CEACAM1: variants seen among roughly 807,000 people sequenced by gnomAD.
The protein encoded by CEACAM1 is cell adhesion molecule CEACAM1.
A neutral mutation model predicts 49.1 loss-of-function variants in CEACAM1; 31 were observed. The observed-to-expected ratio is 0.63, with a 90% CI of 0.47 to 0.85. The LOEUF is 0.85. Ranked by LOEUF, CEACAM1 falls within the 40% of genes least tolerant of loss-of-function variation. The pLI is 0.00. For missense variants in CEACAM1, 570 were observed against 645.3 expected (o/e 0.88, Z 1.26); for synonymous variants, 244 against 247.8 (o/e 0.98, Z 0.14).
At chr19:42,523,137 G>A (rs1210716304) in intron 2 of CEACAM1, among the ~76,000 whole-genome samples, 2 of 152,186 alleles carry the variant, frequency 1.3e-5, no homozygotes, top group Admixed American at 6.5e-5. Context: ...TACAGGTGCT[G>A]GGTCCCTTCC....
intron 2 of CEACAM1, among the ~76,000 whole-genome samples, chr19:42,526,678 C>T (rs1461704839): frequency 6.6e-6 from 1 of 152,150 alleles, no homozygotes; most frequent in Non-Finnish European, 1.5e-5. Context: ...CAGGGCTGAG[C>T]TTGTCTGTGA....
chr19:42,523,837 T>C (rs938656747), intron 2 of CEACAM1, among the ~76,000 whole-genome samples: 3 of 152,186 alleles, frequency 2.0e-5, no homozygotes, highest in African/African-American at 7.2e-5. Context: ...CATGTTATGA[T>C]CAAAGAAAGA....
chr19:42,528,435 C>T lies in CEACAM1; in HGVS notation c.-61G>A, dbSNP rs780238471. ...GAGAGCTTGGGCTCCAGGAACGCTT[C>T]GAGCACGGCTGCTCTGTCACCTCTG... On this transcript the variant is annotated 5_prime_UTR_variant, in exon 1 of 9. Coordinates refer to ENST00000161559, the MANE Select transcript of CEACAM1 (RefSeq NM_001712.5). The T allele has an allele frequency of 4.8e-5, 74 of 1,530,642 alleles. No homozygotes were observed. Among genetic ancestry groups the T allele is most frequent in the Non-Finnish European group, 5.7e-5 (63 of 1,105,174 alleles). 94.8% of individuals were successfully genotyped at this position (1,530,642 alleles called of 1,614,324 possible).
rs551837035 is a variant in CEACAM1 at position 42,515,789 on chromosome 19, C to A, written c.1246+3159G>T. On this transcript the variant is annotated intron_variant, in intron 5 of 8. Transcript: ENST00000161559. ...TGAAAGTAAAACATTACTACTAATT[C>A]TGCAGAAATAATAAGGATTATAAGA... is the stretch of plus-strand genomic sequence containing the variant. Among the ~76,000 whole-genome samples, 164 of 152,280 alleles carry A rather than the reference C, an allele frequency of 1.1e-3. 1 individual carries two copies. The highest frequency in any genetic ancestry group is 1.9e-3 in the Non-Finnish European group (130 of 68,020).
chr19:42,518,880 T>C, intron 5 of CEACAM1, 68 bp downstream of exon 5: 2 of 1,534,756 alleles, frequency 1.3e-6, no homozygotes, highest in Non-Finnish European at 1.8e-6. Context: ...GTGAGTTTTA[T>C]CCATTTTGCA....
In CEACAM1 at chr19:42,522,138, C is replaced by T. The variant is rs776179467; in HGVS notation, c.489G>A (p.Val163=). The T allele has an allele frequency of 1.9e-6, 3 of 1,614,198 alleles. No individual in the cohort carries two copies. The highest frequency in any genetic ancestry group is 2.5e-6 in the Non-Finnish European group (3 of 1,180,042). The change falls in exon 3 of 9, where the codon GTG becomes GTA. Residue 163 remains valine, a synonymous_variant. Coordinates refer to ENST00000161559, the MANE Select transcript of CEACAM1 (RefSeq NM_001712.5). ...NSNPVEDKDA[V]AFTCEPETQD... ...GAGTCTCAGGTTCACAGGTGAAGGC[C>T]ACAGCATCCTTGTCCTCCACAGGGT...
At chr19:42,509,559 C>T (rs545227787) in intron 8 of CEACAM1, among the ~76,000 whole-genome samples, 1 of 151,946 alleles carries the variant, frequency 6.6e-6, no homozygotes, top group Admixed American at 6.6e-5. Flanking sequence ...GGAACAAAAC[C>T]AAGCAATACT....
Position 42,522,142 on chromosome 19 carries a change from G to C in CEACAM1, c.485C>G (p.Ala162Gly). 1 of 1,614,248 alleles carries C rather than the reference G, an allele frequency of 6.2e-7. No individual in the cohort carries two copies. Among genetic ancestry groups the C allele is most frequent in the Non-Finnish European group, 8.5e-7 (1 of 1,180,048 alleles). Residue 162 changes from alanine to glycine, a missense_variant, in exon 3 of 9, where the codon GCT becomes GGT. Ala to Gly is a moderately conservative substitution (Grantham distance 60). Coordinates refer to ENST00000161559, the MANE Select transcript of CEACAM1 (RefSeq NM_001712.5). ...NNSNPVEDKD[A>G]VAFTCEPETQ... ...CTCAGGTTCACAGGTGAAGGCCACA[G>C]CATCCTTGTCCTCCACAGGGTTGGA...
intron 2 of CEACAM1, among the ~76,000 whole-genome samples, chr19:42,524,362 T>A (rs887301898): frequency 7.9e-5 from 12 of 151,736 alleles, no homozygotes; most frequent in African/African-American, 2.9e-4. Context: ...GAGTTAGGAG[T>A]CAAATGGGTG....
chr19:42,511,919 T>C (rs138307168), intron 6 of CEACAM1, among the ~76,000 whole-genome samples: 1,703 of 151,832 alleles, frequency 0.011, 39 homozygotes, highest in African/African-American at 0.036. Context: ...TTTTTTTTTT[T>C]CTCTATTTAT....
intron 5 of CEACAM1, chr19:42,518,555 TG>T (rs906781523): frequency 9.2e-6 from 2 of 217,394 alleles, no homozygotes; most frequent in Admixed American, 1.1e-4. Context: ...TGGAGTGCAG[TG>T]GCACCATCTC....
At chr19:42,518,796 G>C in intron 5 of CEACAM1, 152 bp downstream of exon 5, 6 of 906,034 alleles carry the variant, frequency 6.6e-6, no homozygotes, top group Non-Finnish European at 8.8e-6. Flanking sequence ...CACTGTGCCC[G>C]GCCTGAGCTG....
At chr19:42,518,278 G>T (rs1219855920) in intron 5 of CEACAM1, among the ~76,000 whole-genome samples, 2 of 152,014 alleles carry the variant, frequency 1.3e-5, no homozygotes, top group Non-Finnish European at 2.9e-5. Context: ...AGCCAGGCAT[G>T]GTGGTGCAAC....
intron 2 of CEACAM1, among the ~76,000 whole-genome samples, chr19:42,523,080 A>T (rs2041799462): frequency 6.6e-6 from 1 of 152,146 alleles, no homozygotes; most frequent in Non-Finnish European, 1.5e-5. Flanking sequence ...TCCTTCCCTG[A>T]CTGGCTGATG....
chr19:42,508,972 T>C lies in CEACAM1; in HGVS notation c.*137A>G, dbSNP rs1471038864. On this transcript the variant is annotated 3_prime_UTR_variant, in exon 9 of 9. Coordinates refer to ENST00000161559, the MANE Select transcript of CEACAM1 (RefSeq NM_001712.5). Reference sequence around the variant, plus strand: ...GGGCAGTGACCAGGCAGCCTGGAGATGCCTATTAGGAAGGAAGAGTAGGAG... The same window carrying C: ...GGGCAGTGACCAGGCAGCCTGGAGACGCCTATTAGGAAGGAAGAGTAGGAG... 13 of 943,616 alleles carry C rather than the reference T, an allele frequency of 1.4e-5. No individual in the cohort carries two copies. The East Asian group carries it at 3.2e-4, about 23-fold the overall frequency. The allele number at this position is 943,616 out of a possible 1,614,324, so 58.5% of individuals were successfully genotyped here.
intron 5 of CEACAM1, among the ~76,000 whole-genome samples, chr19:42,513,906 AT>A (rs1375341042): frequency 4.5e-5 from 6 of 132,452 alleles, no homozygotes; most frequent in African/African-American, 2.0e-4. Flanking sequence ...ATATATATAT[AT>A]ATATATATAT....
intron 6 of CEACAM1, among the ~76,000 whole-genome samples, chr19:42,512,135 G>T (rs2041473440): frequency 6.6e-6 from 1 of 152,192 alleles, no homozygotes; most frequent in African/African-American, 2.4e-5. Flanking sequence ...CTCTAGATTA[G>T]ATGGGGATTG....
At chr19:42,512,611 G>T in intron 5 of CEACAM1, 132 bp from the exon 6 acceptor site, 1 of 821,218 alleles carries the variant, frequency 1.2e-6, no homozygotes, top group Non-Finnish European at 1.9e-6. Context: ...TGGGAAGGTT[G>T]CTGGAAGGTG....
At position 42,521,457 on chromosome 19, in the gene CEACAM1, G is replaced by A; in HGVS notation, c.768C>T (p.Ser256=). The A allele has an allele frequency of 6.2e-7, 1 of 1,614,216 alleles. No individual in the cohort carries two copies. Residue 256 remains serine (S), a synonymous_variant, in exon 4 of 9, where the codon AGC becomes AGT. Transcript: ENST00000161559. The stretch of plus-strand genomic sequence containing the variant: ...GGTTAGAGGCTGCATAGCAGGAGAG[G>A]CTGAGGTTTGCCCCTGGACGGTAAT... ...DTYYRPGANL[S]LSCYAASNPP...
Sources: gnomAD v4.1 joint callset for allele counts (sites outside exome capture counted in the v4.1 genomes callset) on GRCh38, gnomAD v4.1.1 for gene constraint, MANE v1.5 for transcripts, NCBI Gene and HGNC (gene_info 2026-07-23, HGNC 2026-07-21) for gene names.